The following RALYL variants were observed in gnomAD, a reference collection of about 807,000 sequenced individuals.
RALYL encodes RNA-binding Raly-like protein.
RALYL carries 29 observed loss-of-function variants against 35.1 expected under a neutral mutation model. The observed-to-expected ratio is 0.83, with a 90% CI of 0.61 to 1.13. The LOEUF is 1.13. Among genes scored for constraint, RALYL ranks in the 50% most tolerant of loss-of-function variants. The pLI is 0.00. For missense variants in RALYL, 359 were observed against 360.4 expected (o/e 1.00, Z 0.03); for synonymous variants, 120 against 127.6 (o/e 0.94, Z 0.40).
chr8:84,364,685 A>G (rs28658215), intron 1 of RALYL, among the ~76,000 whole-genome samples: 4,193 of 152,252 alleles, frequency 0.028, 196 homozygotes, highest in African/African-American at 0.096. Flanking sequence ...TGATTCATTA[A>G]CACTAAGTTA....
chr8:84,484,909 T>C (rs1187745552), intron 1 of RALYL, among the ~76,000 whole-genome samples: 2 of 152,138 alleles, frequency 1.3e-5, no homozygotes, highest in Non-Finnish European at 2.9e-5. Context: ...TATCACACCA[T>C]AATAATGCTT....
At chr8:84,801,362 C>CCAT (rs1051811600) in intron 3 of RALYL, among the ~76,000 whole-genome samples, 2 of 152,150 alleles carry the variant, frequency 1.3e-5, no homozygotes, top group African/African-American at 2.4e-5. Context: ...CCCTCTAGAC[C>CCAT]CATCATCAGA....
chr8:84,661,218 G>A (rs115394454), intron 2 of RALYL, among the ~76,000 whole-genome samples: 6,506 of 151,982 alleles, frequency 0.043, 294 homozygotes, highest in African/African-American at 0.11. Context: ...AAGAGCCACC[G>A]TGCCCAGCCC....
At chr8:84,234,667 C>T (rs572544517) in intron 1 of RALYL, among the ~76,000 whole-genome samples, 2 of 152,276 alleles carry the variant, frequency 1.3e-5, no homozygotes, top group East Asian at 1.9e-4. Flanking sequence ...ATCTGCCCAC[C>T]TTTTAAACAT....
chr8:84,508,851 A>AAACTC (rs5892923), intron 1 of RALYL, among the ~76,000 whole-genome samples: 57,974 of 151,344 alleles, frequency 0.38, 11,148 homozygotes, highest in South Asian at 0.51. Flanking sequence ...ATTATAATAA[A>AAACTC]AACAATCTTT....
intron 1 of RALYL, among the ~76,000 whole-genome samples, chr8:84,429,490 A>T (rs11321896): frequency 6.2e-5 from 4 of 64,150 alleles, no homozygotes; most frequent in South Asian, 9.0e-4. Flanking sequence ...TGCTTTTTCC[A>T]GAAAAATAAA....
chr8:84,470,342 G>T (rs934956154), intron 1 of RALYL, among the ~76,000 whole-genome samples: 3 of 151,982 alleles, frequency 2.0e-5, no homozygotes, highest in Admixed American at 2.0e-4. Flanking sequence ...ATTCCCAAGG[G>T]CATGTTTTTC....
intron 3 of RALYL, among the ~76,000 whole-genome samples, chr8:84,803,311 T>C (rs1477763955): frequency 6.6e-6 from 1 of 152,240 alleles, no homozygotes; most frequent in Non-Finnish European, 1.5e-5. Context: ...CATCATATTA[T>C]GTAGAATCCC....
At chr8:84,819,748 C>T (rs1828110486) in intron 4 of RALYL, among the ~76,000 whole-genome samples, 1 of 152,052 alleles carries the variant, frequency 6.6e-6, no homozygotes, top group African/African-American at 2.4e-5. Flanking sequence ...TATAGTGTTA[C>T]ATGGAGGGAA....
intron 6 of RALYL, among the ~76,000 whole-genome samples, chr8:84,862,827 T>C (rs961611278): frequency 6.6e-6 from 1 of 152,180 alleles, no homozygotes; most frequent in African/African-American, 2.4e-5. Flanking sequence ...CAGAGAAACA[T>C]ACAAAATTAG....
In RALYL at chr8:84,486,493, C is replaced by T. The variant is rs181568156; in HGVS notation, c.-23-42806C>T. Among the ~76,000 whole-genome samples the T allele has an allele frequency of 3.3e-5, 5 of 151,926 alleles. No homozygotes were observed. In the East Asian group the frequency reaches 9.7e-4, roughly 29 times the overall value. ...ACTTTGTCTAGATTACTCTGCTTTG[C>T]ATATTCATAATTAATAGAGGATTTA... On this transcript the variant is annotated intron_variant, in intron 1 of 8. Coordinates refer to ENST00000521268, the MANE Select transcript of RALYL (RefSeq NM_173848.7).
chr8:84,426,893 A>G (rs891749012), intron 1 of RALYL, among the ~76,000 whole-genome samples: 2 of 152,164 alleles, frequency 1.3e-5, no homozygotes, highest in African/African-American at 4.8e-5. Flanking sequence ...GGAGAACAGT[A>G]TGGAGGTTTC....
intron 1 of RALYL, among the ~76,000 whole-genome samples, chr8:84,456,625 C>G (rs756117827): frequency 3.3e-5 from 5 of 151,984 alleles, no homozygotes; most frequent in Non-Finnish European, 7.4e-5. Context: ...ATTAATTCAA[C>G]AGATAATCAT....
chr8:84,205,140 A>G (rs1817768505), intron 1 of RALYL, among the ~76,000 whole-genome samples: 1 of 152,176 alleles, frequency 6.6e-6, no homozygotes, highest in Non-Finnish European at 1.5e-5. Flanking sequence ...TTTTATATAC[A>G]TTGTTATATT....
chr8:84,437,323 C>A (rs1027748854), intron 1 of RALYL, among the ~76,000 whole-genome samples: 1 of 152,230 alleles, frequency 6.6e-6, no homozygotes, highest in South Asian at 2.1e-4. Flanking sequence ...GATGAACACA[C>A]AAGTGCATGT....
intron 2 of RALYL, among the ~76,000 whole-genome samples, chr8:84,647,911 A>G (rs891584098): frequency 1.3e-5 from 2 of 152,102 alleles, no homozygotes; most frequent in Admixed American, 1.3e-4. Flanking sequence ...GTGCTTAATC[A>G]TTTTGTACCT....
intron 1 of RALYL, among the ~76,000 whole-genome samples, chr8:84,501,190 C>A (rs889767317): frequency 2.0e-5 from 3 of 152,084 alleles, no homozygotes; most frequent in African/African-American, 7.2e-5. Flanking sequence ...TAGTTCTAAG[C>A]AAATGTTAAT....
chr8:84,920,628 A>G (rs905802282), intron 8 of RALYL, among the ~76,000 whole-genome samples: 2 of 152,066 alleles, frequency 1.3e-5, no homozygotes, highest in African/African-American at 4.8e-5. Context: ...ACAAGAGCTC[A>G]GGTTGAAAAG....
chr8:84,211,266 G>A (rs528911759), intron 1 of RALYL, among the ~76,000 whole-genome samples: 1 of 152,060 alleles, frequency 6.6e-6, no homozygotes, highest in Non-Finnish European at 1.5e-5. Flanking sequence ...CCACAAGATT[G>A]CTGTTACTTA....
Sources: gnomAD v4.1 joint callset for allele counts (sites outside exome capture counted in the v4.1 genomes callset) on GRCh38, gnomAD v4.1.1 for gene constraint, MANE v1.5 for transcripts, NCBI Gene and HGNC (gene_info 2026-07-23, HGNC 2026-07-21) for gene names.